The following NEO1 variants were observed in gnomAD, a reference collection of about 807,000 sequenced individuals.
The protein encoded by NEO1 is neogenin 1, also known as neogenin.
Under a neutral mutation model 159.7 loss-of-function variants are expected in NEO1, and 63 were observed. The observed-to-expected ratio is 0.39, with a 90% CI of 0.32 to 0.49. The LOEUF is 0.49. Ranked by LOEUF, NEO1 falls within the 20% of genes least tolerant of loss-of-function variation. The pLI is 0.85. For missense variants in NEO1, 1,615 were observed against 1,831.0 expected, an observed-to-expected ratio of 0.88 and a Z score of 2.15; for synonymous variants, 633 against 662.0, an observed-to-expected ratio of 0.96 and a Z score of 0.67.
At chr15:73,159,145 AGTAGT>A (rs1163203912) in intron 5 of NEO1, among the ~76,000 whole-genome samples, 1 of 152,226 alleles carries the variant, frequency 6.6e-6, no homozygotes, top group African/African-American at 2.4e-5. Flanking sequence ...GTACAAAATG[AGTAGT>A]TATTTAGAAC....
chr15:73,157,996 G>A (rs116680324), intron 5 of NEO1, among the ~76,000 whole-genome samples: 11,890 of 152,040 alleles, frequency 0.078, 557 homozygotes, highest in Non-Finnish European at 0.097. Context: ...CAAGAGGATC[G>A]CTTGAGGTCA....
At position 73,168,644 on chromosome 15, in the gene NEO1, A is replaced by T. The variant is rs558799608; in HGVS notation, c.1016-7759A>T. On this transcript the variant is annotated intron_variant, in intron 5 of 28. Transcript: ENST00000261908. ...CATAGTCAAGTGGAAACATTGTTATAATATTACTTCAAACTTACATCATAA... is the reference window on the plus strand; with the variant it reads ...CATAGTCAAGTGGAAACATTGTTATTATATTACTTCAAACTTACATCATAA... 2.3e-4 allele frequency among the ~76,000 whole-genome samples: 35 copies of T among 152,246 alleles called. No homozygotes were observed. The South Asian group carries it at 7.3e-3, about 32-fold the overall frequency.
At chr15:73,164,865 T>C (rs1208178898) in intron 5 of NEO1, among the ~76,000 whole-genome samples, 3 of 152,248 alleles carry the variant, frequency 2.0e-5, no homozygotes, top group Non-Finnish European at 2.9e-5. Context: ...TATACTAATA[T>C]GCAGTATTAT....
At chr15:73,221,597 G>A (rs12373012) in intron 7 of NEO1, 6,243 of 156,082 alleles carry the variant, frequency 0.04, 128 homozygotes, top group Non-Finnish European at 0.052. Flanking sequence ...TCAAGCTTCC[G>A]GGCTGCTTTG....
chr15:73,220,983 T>G (rs2038218787), intron 7 of NEO1, among the ~76,000 whole-genome samples: 1 of 152,214 alleles, frequency 6.6e-6, no homozygotes. Flanking sequence ...CTGGGTTCCT[T>G]TGGAGGAGGA....
chr15:73,164,210 G>T (rs1311127370), intron 5 of NEO1, among the ~76,000 whole-genome samples: 4 of 125,288 alleles, frequency 3.2e-5, no homozygotes, highest in Non-Finnish European at 3.4e-5. Flanking sequence ...ATTATTATTG[G>T]TTTTTTTTTT....
chr15:73,104,355 G>C (rs1011038930), intron 1 of NEO1, among the ~76,000 whole-genome samples: 2 of 152,124 alleles, frequency 1.3e-5, no homozygotes, highest in African/African-American at 4.8e-5. Context: ...CTAATTCTTA[G>C]TTTTTTTGTT....
chr15:73,278,668 G>A (rs1387396482), intron 22 of NEO1, among the ~76,000 whole-genome samples: 5 of 152,210 alleles, frequency 3.3e-5, no homozygotes, highest in East Asian at 3.9e-4. Flanking sequence ...TGACACCCCC[G>A]TCTTTACAGA....
At chr15:73,158,208 C>CTTT (rs1047852394) in intron 5 of NEO1, among the ~76,000 whole-genome samples, 8,919 of 82,410 alleles carry the variant, frequency 0.11, 643 homozygotes, top group East Asian at 0.43. Flanking sequence ...GAGTGAGACT[C>CTTT]TTTTTTTTTT....
chr15:73,186,326 T>TA (rs909145924), intron 7 of NEO1, among the ~76,000 whole-genome samples: 11 of 149,426 alleles, frequency 7.4e-5, no homozygotes, highest in Admixed American at 3.3e-4. Flanking sequence ...TTTAAGTCCT[T>TA]AAAAAAAAAG....
chr15:73,138,765 A>AC (rs1392052419), intron 5 of NEO1, among the ~76,000 whole-genome samples: 8 of 149,664 alleles, frequency 5.3e-5, no homozygotes, highest in East Asian at 2.0e-4. Context: ...CAAAAAAAAA[A>AC]AAAAAACAAA....
At chr15:73,140,940 T>A (rs893806783) in intron 5 of NEO1, among the ~76,000 whole-genome samples, 1 of 152,326 alleles carries the variant, frequency 6.6e-6, no homozygotes, top group Middle Eastern at 3.4e-3. Flanking sequence ...GTCAGAATAC[T>A]GATTACTTTT....
chr15:73,286,213 C>T (rs2041942195), intron 23 of NEO1, among the ~76,000 whole-genome samples: 1 of 152,026 alleles, frequency 6.6e-6, no homozygotes, highest in Non-Finnish European at 1.5e-5. Flanking sequence ...AATCTTTATT[C>T]TGCCCCTACC....
chr15:73,289,090 G>C, intron 24 of NEO1, 56 bp from the exon 25 acceptor site: 1 of 1,386,148 alleles, frequency 7.2e-7, no homozygotes, highest in African/African-American at 1.4e-5. Context: ...CACTGTTGAG[G>C]CTGCTCAGTG....
At chr15:73,260,047 G>C (rs1596507730) in intron 14 of NEO1, among the ~76,000 whole-genome samples, 1 of 145,922 alleles carries the variant, frequency 6.9e-6, no homozygotes. Context: ...GCAGTGTCTT[G>C]TATTTAAAGC....
intron 24 of NEO1, 55 bp downstream of exon 24, chr15:73,288,606 A>G: frequency 6.6e-7 from 1 of 1,507,264 alleles, no homozygotes; most frequent in African/African-American, 1.4e-5. Flanking sequence ...TTTTCATTTA[A>G]ATCTTTTTTT....
Position 73,207,745 on chromosome 15 carries a change from ATAT to A in NEO1, c.1292-28596_1292-28594del, listed in dbSNP as rs1158906764. ...TCCCCAGCATGTACCATTTTAATAA[ATAT>A]TATTAATAAGTAATTATATTTATTC... On this transcript the variant is annotated intron_variant, in intron 7 of 28. Transcript: ENST00000261908. Among the ~76,000 whole-genome samples, 22 of 152,228 alleles carry A rather than the reference ATAT, an allele frequency of 1.4e-4. No individual in the cohort carries two copies. In the East Asian group the frequency reaches 4.0e-3, roughly 28 times the overall value.
chr15:73,095,520 T>A (rs1170166266), intron 1 of NEO1, among the ~76,000 whole-genome samples: 1 of 152,174 alleles, frequency 6.6e-6, no homozygotes, highest in Non-Finnish European at 1.5e-5. Flanking sequence ...GTAGAGTACT[T>A]CTATAAACAG....
intron 5 of NEO1, among the ~76,000 whole-genome samples, chr15:73,151,804 A>C (rs1319702060): frequency 6.6e-6 from 1 of 152,216 alleles, no homozygotes; most frequent in Non-Finnish European, 1.5e-5. Flanking sequence ...CAGCCAAACC[A>C]TATCAGCTTC....
Sources: gnomAD v4.1 joint callset for allele counts (sites outside exome capture counted in the v4.1 genomes callset) on GRCh38, gnomAD v4.1.1 for gene constraint, MANE v1.5 for transcripts, NCBI Gene and HGNC (gene_info 2026-07-23, HGNC 2026-07-21) for gene names.